Variants in LDB3 observed in about 807,000 individuals in gnomAD.
LDB3 encodes the protein LIM domain binding 3.
A neutral mutation model predicts 69.0 loss-of-function variants in LDB3; 49 were observed. The ratio of observed to expected loss-of-function variants is 0.71; its 90% CI spans 0.56 to 0.90. LDB3 has a LOEUF of 0.90. LDB3 is among the 40% of genes least tolerant of loss of function. The pLI is 0.00. For missense variants in LDB3, 928 were observed against 974.1 expected (o/e 0.95, Z 0.63); for synonymous variants, 387 against 396.2 (o/e 0.98, Z 0.28).
At position 86,718,800 on chromosome 10, in the gene LDB3, G is replaced by A. The variant is rs1419899385; in HGVS notation, c.1931G>A (p.Gly644Glu). 10 of 1,614,062 alleles carry A rather than the reference G, an allele frequency of 6.2e-6. No individual in the cohort carries two copies. The Admixed American group carries it at 1.5e-4, about 24-fold the overall frequency. The change falls in exon 12 of 14, where the codon GGG (glycine) becomes GAG (glutamate). Residue 644 changes from glycine (G) to glutamate (E), a missense_variant. Coordinates refer to ENST00000361373, the MANE Select transcript of LDB3 (RefSeq NM_007078.3). ...TGTGCGGCCTGCAAGAAGCCTTTTG[G>A]GAACAGCCTCTTCCACATGGAAGAC... ...FVCAACKKPF[G>E]NSLFHMEDGE...
intron 8 of LDB3, among the ~76,000 whole-genome samples, chr10:86,707,541 G>A (rs1188772703): frequency 2.0e-5 from 3 of 152,142 alleles, no homozygotes; most frequent in East Asian, 1.9e-4. Context: ...GCCATGTGGC[G>A]CATCAGGCTG....
chr10:86,719,992 T>A (rs1847018500), intron 12 of LDB3, among the ~76,000 whole-genome samples: 2 of 152,092 alleles, frequency 1.3e-5, no homozygotes, highest in Admixed American at 1.3e-4. Flanking sequence ...TTATGAAGAA[T>A]AACAGAGCTG....
At chr10:86,714,637 G>C (rs1353285395) in intron 9 of LDB3, among the ~76,000 whole-genome samples, 4 of 148,758 alleles carry the variant, frequency 2.7e-5, no homozygotes, top group African/African-American at 1.0e-4. Context: ...GTCACTGCAA[G>C]CTCCGCCTCC....
intron 7 of LDB3, among the ~76,000 whole-genome samples, chr10:86,697,843 C>T (rs770825988): frequency 7.2e-5 from 11 of 152,120 alleles, no homozygotes; most frequent in Non-Finnish European, 1.2e-4. Context: ...TGAGCCACCA[C>T]GCCCAGCCAA....
Position 86,680,145 on chromosome 10 carries a change from C to A in LDB3, c.309C>A (p.Ile103=), listed in dbSNP as rs1060504198. ...APPVQTPLPV[I]PHQKDPALDT... ...CAGTCCAGACCCCTCTGCCGGTGATCCCTCACCAGAAGGTAGGTGCTGACT... is the reference window on the plus strand; with the variant it reads ...CAGTCCAGACCCCTCTGCCGGTGATACCTCACCAGAAGGTAGGTGCTGACT... Residue 103 remains isoleucine (I), a synonymous_variant, in exon 4 of 14, where the codon ATC becomes ATA. Coordinates refer to ENST00000361373, the MANE Select transcript of LDB3 (RefSeq NM_007078.3). 7 of 1,614,076 alleles carry A rather than the reference C, an allele frequency of 4.3e-6. No individual in the cohort carries two copies. Among genetic ancestry groups the A allele is most frequent in the African/African-American group, 4.0e-5 (3 of 75,068 alleles).
intron 2 of LDB3, among the ~76,000 whole-genome samples, chr10:86,669,599 C>A (rs10887640): frequency 6.6e-6 from 1 of 152,110 alleles, no homozygotes; most frequent in Admixed American, 6.5e-5. Context: ...GATGGGGGAA[C>A]AGCCCCCAGA....
At chr10:86,688,085 A>G (rs55671246) in intron 5 of LDB3, among the ~76,000 whole-genome samples, 5,699 of 47,894 alleles carry the variant, frequency 0.12, 181 homozygotes, top group African/African-American at 0.18. Context: ...GTGTGTGTGT[A>G]TGTGTCTGTC....
chr10:86,716,694 G>A lies in LDB3; in HGVS notation c.1599G>A (p.Arg533=). The part of the protein sequence containing the change: ...PAGPQVPPLA[R]GTVQRAERFP... ...GTCCTCAGGTGCCACCACTTGCCAG[G>A]GGGACCGTCCAGAGGGCTGAGCGAT... Residue 533 remains arginine (R), a synonymous_variant, in exon 10 of 14, where the codon AGG becomes AGA. Transcript: ENST00000361373. 6.2e-7 allele frequency: 1 copy of A among 1,613,826 alleles called. No homozygotes were observed. The highest frequency in any genetic ancestry group is 8.5e-7 in the Non-Finnish European group (1 of 1,179,974).
At position 86,733,074 on chromosome 10, in the gene LDB3, A is replaced by T. The variant is rs1847533083; in HGVS notation, c.*98A>T. On this transcript the variant is annotated 3_prime_UTR_variant, in exon 14 of 14. Transcript: ENST00000361373. ...GATGTTTCTTCTGAGGGGAATGGGG[A>T]GAGAGAGGAAGCGACTGAGCCCTTT... 4 of 835,818 alleles carry T rather than the reference A, an allele frequency of 4.8e-6. No homozygotes were observed. The highest frequency in any genetic ancestry group is 8.1e-6 in the Non-Finnish European group (4 of 494,842). The allele number at this position is 835,818 out of a possible 1,614,324, so 51.8% of individuals were successfully genotyped here.
intron 5 of LDB3, among the ~76,000 whole-genome samples, chr10:86,682,458 C>T (rs1054612350): frequency 3.3e-5 from 5 of 152,028 alleles, no homozygotes; most frequent in South Asian, 2.1e-4. Flanking sequence ...GTCTAGCTGG[C>T]GGGACTCTGG....
chr10:86,692,686 G>C lies in LDB3; in HGVS notation c.896+115G>C. 4.1e-6 allele frequency: 4 copies of C among 983,126 alleles called. No individual in the cohort carries two copies. The Admixed American group carries it at 5.2e-5, about 13-fold the overall frequency. The allele number at this position is 983,126 out of a possible 1,614,324, so 60.9% of individuals were successfully genotyped here. A position where few individuals can be genotyped will look rare whatever the true frequency, so the allele number is the denominator to read the frequency against. ...CCTCTCAAGTTCATGGATTTGGAAA[G>C]CCTGGCCTGCAAAGGGCTCCAGCTG... On this transcript the variant is annotated intron_variant, in intron 7 of 13. Transcript: ENST00000361373.
At chr10:86,728,851 A>AT (rs1847361880) in intron 13 of LDB3, among the ~76,000 whole-genome samples, 1 of 151,944 alleles carries the variant, frequency 6.6e-6, no homozygotes, top group Non-Finnish European at 1.5e-5. Context: ...AAGTGCTGGG[A>AT]TTACAGGTGT....
rs150825873 is a variant in LDB3, at chr10:86,722,283, C to T, written c.1978+3436C>T. The stretch of plus-strand genomic sequence containing the variant: ...GTTTTGTTTTGTTTTGTTTTTGAGA[C>T]GGAGTCTCGCTCTGTTGCCCAGGCT... On this transcript the variant is annotated intron_variant, in intron 12 of 13. Coordinates refer to ENST00000361373, the MANE Select transcript of LDB3 (RefSeq NM_007078.3). 2.2e-4 allele frequency among the ~76,000 whole-genome samples: 34 copies of T among 152,278 alleles called. No individual in the cohort carries two copies. The East Asian group carries it at 5.8e-3, about 26-fold the overall frequency.
intron 2 of LDB3, among the ~76,000 whole-genome samples, chr10:86,671,270 C>G (rs1166848866): frequency 1.3e-5 from 2 of 152,212 alleles, no homozygotes; most frequent in Admixed American, 1.3e-4. Context: ...TTGCTCACCC[C>G]TCTAACTGGG....
At chr10:86,698,876 T>A (rs1291352370) in intron 7 of LDB3, among the ~76,000 whole-genome samples, 2 of 152,090 alleles carry the variant, frequency 1.3e-5, no homozygotes, top group South Asian at 2.1e-4. Context: ...CACCTGTCTG[T>A]TTGGTTCAAT....
chr10:86,711,211 G>A (rs1190238910), intron 9 of LDB3, among the ~76,000 whole-genome samples: 13 of 152,162 alleles, frequency 8.5e-5, no homozygotes, highest in African/African-American at 3.1e-4. Flanking sequence ...TTCCTGGGGA[G>A]GCGCTTCTGG....
chr10:86,669,439 T>C (rs1250162306), intron 2 of LDB3, among the ~76,000 whole-genome samples: 1 of 152,100 alleles, frequency 6.6e-6, no homozygotes, highest in Non-Finnish European at 1.5e-5. Flanking sequence ...TATCCTGCAG[T>C]GTCTGTGATG....
chr10:86,688,093 GTCTA>G (rs1364940791), intron 5 of LDB3, among the ~76,000 whole-genome samples: 1 of 122,780 alleles, frequency 8.1e-6, no homozygotes, highest in African/African-American at 3.1e-5. Flanking sequence ...GTATGTGTCT[GTCTA>G]TCTGTTGTTT....
chr10:86,709,256 T>A (rs569747042), intron 8 of LDB3, among the ~76,000 whole-genome samples: 48 of 152,272 alleles, frequency 3.2e-4, no homozygotes, highest in East Asian at 5.8e-4. Context: ...ACGCTTTTTT[T>A]AAAATCTCTT....
Sources: gnomAD v4.1 joint callset for allele counts (sites outside exome capture counted in the v4.1 genomes callset) on GRCh38, gnomAD v4.1.1 for gene constraint, MANE v1.5 for transcripts, NCBI Gene and HGNC (gene_info 2026-07-23, HGNC 2026-07-21) for gene names.